KIAA1217: variants seen among roughly 807,000 people sequenced by gnomAD.
The protein encoded by KIAA1217 is sickle tail protein homolog.
In KIAA1217, 88 loss-of-function variants were observed where a neutral mutation model predicts 163.9. The observed-to-expected ratio is 0.54, with a 90% CI of 0.45 to 0.64. KIAA1217 has a LOEUF of 0.64. Among genes scored for constraint, KIAA1217 ranks in the 30% least tolerant of loss-of-function variants. The pLI is 0.00. For missense variants in KIAA1217, 2,372 were observed against 2,475.0 expected (o/e 0.96, Z 0.88); for synonymous variants, 903 against 923.1 (o/e 0.98, Z 0.39).
intron 1 of KIAA1217, among the ~76,000 whole-genome samples, chr10:23,847,658 A>C (rs1315920963): frequency 6.6e-6 from 1 of 152,020 alleles, no homozygotes; most frequent in Non-Finnish European, 1.5e-5. Flanking sequence ...TGATCTTTTC[A>C]AAAAATCAGC....
intron 3 of KIAA1217, among the ~76,000 whole-genome samples, chr10:24,385,850 A>G (rs565331016): frequency 6.6e-6 from 1 of 152,316 alleles, no homozygotes; most frequent in Admixed American, 6.5e-5. Flanking sequence ...TCCATGAAAA[A>G]TGGTCGGGCT....
intron 1 of KIAA1217, among the ~76,000 whole-genome samples, chr10:23,730,230 A>G (rs1482391717): frequency 6.6e-6 from 1 of 152,006 alleles, no homozygotes; most frequent in African/African-American, 2.4e-5. Context: ...TGCTTTTTAC[A>G]TCTGTGTCTA....
intron 1 of KIAA1217, among the ~76,000 whole-genome samples, chr10:23,774,215 A>C (rs963036128): frequency 6.6e-6 from 1 of 152,226 alleles, no homozygotes; most frequent in Non-Finnish European, 1.5e-5. Context: ...GACAATAAAG[A>C]TGTGTCTCAC....
intron 2 of KIAA1217, among the ~76,000 whole-genome samples, chr10:24,231,368 C>T (rs537188925): frequency 3.8e-4 from 58 of 152,184 alleles, no homozygotes; most frequent in Non-Finnish European, 5.4e-4. Flanking sequence ...GTGGTGAGTA[C>T]GCAGAAAGTG....
intron 3 of KIAA1217, among the ~76,000 whole-genome samples, chr10:24,409,997 C>CTTTTTTTTTTTTTTTTTT (rs71397947): frequency 1.5e-4 from 19 of 123,864 alleles, no homozygotes; most frequent in Non-Finnish European, 2.6e-4. Context: ...TTTCTTTTTT[C>CTTTTTTTTTTTTTTTTTT]TTTTTTTTTT....
intron 1 of KIAA1217, among the ~76,000 whole-genome samples, chr10:23,898,774 C>G (rs1040244511): frequency 6.6e-6 from 1 of 152,112 alleles, no homozygotes; most frequent in Non-Finnish European, 1.5e-5. Context: ...TGTCATTCTA[C>G]TTTCTGTCTC....
intron 2 of KIAA1217, among the ~76,000 whole-genome samples, chr10:24,239,495 CTTT>C (rs34650424): frequency 2.3e-4 from 31 of 134,688 alleles, no homozygotes; most frequent in East Asian, 6.4e-4. Context: ...TTTTTAAGGG[CTTT>C]TTTTTTTTTT....
chr10:24,020,018 G>A (rs1847666241), intron 2 of KIAA1217, among the ~76,000 whole-genome samples: 1 of 151,984 alleles, frequency 6.6e-6, no homozygotes, highest in African/African-American at 2.4e-5. Flanking sequence ...ATAAAGAGAA[G>A]ATCTTAAAAG....
At position 23,809,814 on chromosome 10, in the gene KIAA1217, G is replaced by T. The variant is rs12414779; in HGVS notation, c.-321+114580G>T. On this transcript the variant is annotated intron_variant, in intron 1 of 18. Transcript: ENST00000376462. ...GAATAACTCTAATTACAATATGCTG[G>T]ATAGCAACACATGTATCTGCATATG... Among the ~76,000 whole-genome samples, 1,013 of 152,034 alleles carry T rather than the reference G, an allele frequency of 6.7e-3. 37 individuals are homozygous for T. Among genetic ancestry groups the T allele is most frequent in the Admixed American group, 0.061 (928 of 15,280 alleles).
At chr10:24,372,861 A>C (rs2051880337) in intron 2 of KIAA1217, among the ~76,000 whole-genome samples, 1 of 152,224 alleles carries the variant, frequency 6.6e-6, no homozygotes, top group East Asian at 1.9e-4. Context: ...ATTCTATTAA[A>C]GATGTAATAT....
intron 2 of KIAA1217, among the ~76,000 whole-genome samples, chr10:24,243,687 A>G (rs184166965): frequency 0.012 from 1,870 of 151,812 alleles, 24 homozygotes; most frequent in Non-Finnish European, 0.019. Flanking sequence ...TAGAATATTC[A>G]TATGTATGAA....
chr10:24,176,994 C>T lies in KIAA1217; in HGVS notation c.-170-42632C>T, dbSNP rs559069199. Reference sequence around the variant, plus strand: ...TGCTAAGTCCCTCACTGCCCGGGGCCGGTGGTGCCAGCTGGCTGCTCCGAG... The same window carrying T: ...TGCTAAGTCCCTCACTGCCCGGGGCTGGTGGTGCCAGCTGGCTGCTCCGAG... On this transcript the variant is annotated intron_variant, in intron 2 of 18. Coordinates refer to the KIAA1217 transcript ENST00000376462. Among the ~76,000 whole-genome samples the T allele has an allele frequency of 3.9e-3, 591 of 151,996 alleles. 2 individuals are homozygous for T. The highest frequency in any genetic ancestry group is 5.1e-3 in the Non-Finnish European group (346 of 67,940).
chr10:23,840,021 T>A (rs1564465795), intron 1 of KIAA1217, among the ~76,000 whole-genome samples: 1 of 152,158 alleles, frequency 6.6e-6, no homozygotes, highest in Non-Finnish European at 1.5e-5. Context: ...CAGAGAAAGT[T>A]CTTAAACTTT....
At chr10:24,347,612 G>A (rs1207917243) in intron 2 of KIAA1217, among the ~76,000 whole-genome samples, 1 of 152,040 alleles carries the variant, frequency 6.6e-6, no homozygotes, top group African/African-American at 2.4e-5. Flanking sequence ...TGTTTTCATA[G>A]CTGGGGATTA....
chr10:24,442,975 A>G (rs550521080), intron 5 of KIAA1217, among the ~76,000 whole-genome samples: 3 of 149,306 alleles, frequency 2.0e-5, no homozygotes, highest in Non-Finnish European at 4.4e-5. Context: ...CAGTGTTGCA[A>G]TCTCGGCTCA....
At chr10:23,749,567 C>T (rs542269394) in intron 1 of KIAA1217, among the ~76,000 whole-genome samples, 1 of 152,206 alleles carries the variant, frequency 6.6e-6, no homozygotes, top group South Asian at 2.1e-4. Flanking sequence ...ACTACCATGC[C>T]CAGCTGATTT....
chr10:23,886,516 G>A (rs1841181457), intron 1 of KIAA1217, among the ~76,000 whole-genome samples: 1 of 151,996 alleles, frequency 6.6e-6, no homozygotes, highest in Admixed American at 6.6e-5. Context: ...ATCAGACGGA[G>A]GAAGCTACTG....
At chr10:23,920,906 T>G (rs929696842) in intron 1 of KIAA1217, among the ~76,000 whole-genome samples, 2 of 152,158 alleles carry the variant, frequency 1.3e-5, no homozygotes, top group Admixed American at 6.5e-5. Flanking sequence ...TGATAGAGAA[T>G]AAGTCTCATG....
At chr10:23,971,498 T>C (rs1845316671) in intron 1 of KIAA1217, among the ~76,000 whole-genome samples, 4 of 152,194 alleles carry the variant, frequency 2.6e-5, no homozygotes, top group African/African-American at 9.6e-5. Context: ...CATGTCTGCC[T>C]CACTACCTAC....
Sources: gnomAD v4.1 joint callset for allele counts (sites outside exome capture counted in the v4.1 genomes callset) on GRCh38, gnomAD v4.1.1 for gene constraint, MANE v1.5 for transcripts, NCBI Gene and HGNC (gene_info 2026-07-23, HGNC 2026-07-21) for gene names.